Variants in EXOC4 observed in about 807,000 individuals in gnomAD.
EXOC4 encodes the protein SEC8-like 1.
Under a neutral mutation model 107.2 loss-of-function variants are expected in EXOC4, and 71 were observed. The ratio of observed to expected loss-of-function variants is 0.66; its 90% CI spans 0.55 to 0.81. The LOEUF (loss-of-function observed/expected upper bound fraction) is 0.81, where lower values mean the gene tolerates loss of function less well. Among genes scored for constraint, EXOC4 ranks in the 30% least tolerant of loss-of-function variants. The pLI is 0.00. For synonymous variants in EXOC4, 456 were observed against 441.2 expected (o/e 1.03, Z -0.42); for missense variants, 1,108 against 1,189.6 (o/e 0.93, Z 1.01).
At chr7:133,845,789 A>G (rs1798115054) in intron 11 of EXOC4, among the ~76,000 whole-genome samples, 1 of 152,178 alleles carries the variant, frequency 6.6e-6, no homozygotes. Context: ...TTATTTTATA[A>G]TCATGCCATG....
chr7:133,443,094 G>A (rs1013728853), intron 7 of EXOC4, among the ~76,000 whole-genome samples: 1 of 152,188 alleles, frequency 6.6e-6, no homozygotes, highest in Non-Finnish European at 1.5e-5. Flanking sequence ...CAGGGAGTGA[G>A]ATTTACAACA....
intron 10 of EXOC4, among the ~76,000 whole-genome samples, chr7:133,749,958 T>G (rs964783493): frequency 2.6e-5 from 3 of 114,460 alleles, no homozygotes; most frequent in Non-Finnish European, 5.5e-5. Flanking sequence ...GTTGGCAGTT[T>G]TTTTTTTTTT....
intron 13 of EXOC4, among the ~76,000 whole-genome samples, chr7:133,931,860 A>G (rs1308765502): frequency 2.0e-5 from 3 of 152,206 alleles, no homozygotes; most frequent in Non-Finnish European, 4.4e-5. Context: ...CCTTAGCAGA[A>G]TGGTGTCTGC....
Position 133,633,226 on chromosome 7 carries a change from G to T in EXOC4, c.1514+3085G>T, listed in dbSNP as rs80316806. 5.4e-3 allele frequency among the ~76,000 whole-genome samples: 817 copies of T among 152,168 alleles called. 9 individuals are homozygous for T. The highest frequency in any genetic ancestry group is 0.018 in the African/African-American group (764 of 41,510). On this transcript the variant is annotated intron_variant, in intron 10 of 17. Coordinates refer to ENST00000253861, the MANE Select transcript of EXOC4 (RefSeq NM_021807.4). ...ATACCTTGTGGGAGGATATAAATTGGTTCAGCCTCTCTCAAAACTGGTTTG... is the reference window on the plus strand; with the variant it reads ...ATACCTTGTGGGAGGATATAAATTGTTTCAGCCTCTCTCAAAACTGGTTTG...
intron 5 of EXOC4, among the ~76,000 whole-genome samples, chr7:133,344,408 G>A (rs1032317712): frequency 4.0e-5 from 6 of 151,852 alleles, no homozygotes; most frequent in Non-Finnish European, 1.5e-5. Context: ...TTTTTTGTTT[G>A]TTTTTATGAT....
chr7:133,827,931 C>T (rs1358430415), intron 11 of EXOC4, among the ~76,000 whole-genome samples: 2 of 152,056 alleles, frequency 1.3e-5, no homozygotes, highest in Non-Finnish European at 2.9e-5. Flanking sequence ...AGGGATAACC[C>T]CTGGGTTTTA....
the EXOC4 span, among the ~76,000 whole-genome samples, chr7:134,075,942 G>C: frequency 6.6e-6 from 1 of 152,192 alleles, no homozygotes; most frequent in Non-Finnish European, 1.5e-5. Flanking sequence ...TATGAGGTAA[G>C]TAAGAAATAC....
chr7:133,620,973 G>A (rs1416196317), intron 9 of EXOC4, among the ~76,000 whole-genome samples: 1 of 152,154 alleles, frequency 6.6e-6, no homozygotes, highest in African/African-American at 2.4e-5. Context: ...TTAAAAATAT[G>A]CGTGGAGTCA....
At chr7:133,827,941 A>C (rs1563017022) in intron 11 of EXOC4, among the ~76,000 whole-genome samples, 1 of 152,188 alleles carries the variant, frequency 6.6e-6, no homozygotes. Flanking sequence ...CCTGGGTTTT[A>C]AAGGAAGTCT....
At chr7:133,990,710 T>G (rs1794234025) in intron 14 of EXOC4, among the ~76,000 whole-genome samples, 1 of 152,162 alleles carries the variant, frequency 6.6e-6, no homozygotes, top group Admixed American at 6.5e-5. Flanking sequence ...CACCTCGGCC[T>G]CCTGAAGCGC....
chr7:133,694,240 A>G (rs1224110509), intron 10 of EXOC4, among the ~76,000 whole-genome samples: 1 of 141,332 alleles, frequency 7.1e-6, no homozygotes, highest in Admixed American at 7.4e-5. Context: ...CAGCCTGGCA[A>G]CAGAGTGAGA....
At chr7:133,728,310 G>A (rs540605293) in intron 10 of EXOC4, among the ~76,000 whole-genome samples, 5 of 152,332 alleles carry the variant, frequency 3.3e-5, no homozygotes, top group African/African-American at 1.2e-4. Context: ...TTGCTAGGGA[G>A]CCATCTTGAA....
intron 10 of EXOC4, among the ~76,000 whole-genome samples, chr7:133,721,811 A>C (rs1251283789): frequency 6.6e-6 from 1 of 152,214 alleles, no homozygotes; most frequent in East Asian, 1.9e-4. Context: ...GCCTTGGAAG[A>C]AAGAGATAAT....
intron 9 of EXOC4, among the ~76,000 whole-genome samples, chr7:133,548,289 T>G (rs1473208553): frequency 6.6e-6 from 1 of 152,058 alleles, no homozygotes; most frequent in Non-Finnish European, 1.5e-5. Flanking sequence ...CCACTTCTAT[T>G]TATAGAGAAC....
At chr7:134,097,991 A>G in the EXOC4 span, among the ~76,000 whole-genome samples, 2 of 150,458 alleles carry the variant, frequency 1.3e-5, no homozygotes, top group East Asian at 1.9e-4. Context: ...GCATGAGACA[A>G]TGAAGGCAAA....
At chr7:133,526,864 C>T (rs1186291344) in intron 9 of EXOC4, among the ~76,000 whole-genome samples, 1 of 151,872 alleles carries the variant, frequency 6.6e-6, no homozygotes, top group Non-Finnish European at 1.5e-5. Context: ...CCCAGCTACT[C>T]GGGAGGCTGA....
chr7:133,542,676 G>A (rs2150933106), intron 9 of EXOC4, among the ~76,000 whole-genome samples: 1 of 152,188 alleles, frequency 6.6e-6, no homozygotes, highest in East Asian at 1.9e-4. Flanking sequence ...AGCAGCTTCT[G>A]AGGCCACTTC....
At chr7:133,603,656 A>G (rs1563123473) in intron 9 of EXOC4, among the ~76,000 whole-genome samples, 1 of 152,342 alleles carries the variant, frequency 6.6e-6, no homozygotes, top group South Asian at 2.1e-4. Context: ...AAGCTACAGT[A>G]AAAATACAGT....
At chr7:133,346,987 G>T (rs765450362) in intron 5 of EXOC4, among the ~76,000 whole-genome samples, 2 of 152,152 alleles carry the variant, frequency 1.3e-5, no homozygotes, top group East Asian at 1.9e-4. Flanking sequence ...TGACGTGTAT[G>T]TGTGGTATGG....
Sources: allele counts gnomAD v4.1 joint callset (sites outside exome capture counted in the v4.1 genomes callset), GRCh38; gene constraint gnomAD v4.1.1; transcripts MANE v1.5; gene names NCBI Gene and HGNC (gene_info 2026-07-23, HGNC 2026-07-21).